TEX22: variants seen among roughly 807,000 people sequenced by gnomAD.
The protein encoded by TEX22 is testis expressed 22.
Under a neutral mutation model 11.3 loss-of-function variants are expected in TEX22, and 16 were observed. The observed-to-expected ratio is 1.42, with a 90% CI of 0.96 to 2.15. The LOEUF (loss-of-function observed/expected upper bound fraction) is 2.15, where lower values mean the gene tolerates loss of function less well. TEX22 is among the 30% of genes most tolerant of loss of function. The pLI is 0.00. For synonymous variants in TEX22, 97 were observed against 92.3 expected (o/e 1.05, Z -0.29); for missense variants, 220 against 208.6 (o/e 1.05, Z -0.34).
chr14:105,399,751 G>A (rs141375261), intron 2 of TEX22, among the ~76,000 whole-genome samples: 5 of 152,342 alleles, frequency 3.3e-5, no homozygotes, highest in Non-Finnish European at 7.4e-5. Context: ...GGCCAGGAAG[G>A]AGGCAAGGCA....
At position 105,411,730 on chromosome 14, in the gene TEX22, T is replaced by G. The variant is rs1747720552; in HGVS notation, c.350T>G (p.Leu117Arg). ...VDKDVLLPHPLRSTESTNAFQ... is the reference protein window; with the variant it reads ...VDKDVLLPHPRRSTESTNAFQ... The stretch of plus-strand genomic sequence containing the variant: ...AAGGACGTGCTCCTTCCCCACCCGC[T>G]GAGGTCCACCGAGTCCACCAACGCC... The change falls in exon 4 of 4, where the codon CTG (leucine) becomes CGG (arginine). Residue 117 changes from leucine (L) to arginine (R), a missense_variant. By Grantham distance (102) the Leu-to-Arg change is moderately radical. Transcript: ENST00000451127. 6.6e-7 allele frequency: 1 copy of G among 1,523,508 alleles called. No homozygotes were observed. Among genetic ancestry groups the G allele is most frequent in the South Asian group, 1.2e-5 (1 of 83,778 alleles). The allele number at this position is 1,523,508 out of a possible 1,614,324, so 94.4% of individuals were successfully genotyped here. A position where few individuals can be genotyped will look rare whatever the true frequency, so the allele number is the denominator to read the frequency against.
intron 2 of TEX22, among the ~76,000 whole-genome samples, chr14:105,403,782 C>A (rs2081644801): frequency 1.3e-5 from 2 of 152,308 alleles, no homozygotes; most frequent in East Asian, 1.9e-4. Flanking sequence ...TTTAAAAAAA[C>A]AGACTTCATG....
chr14:105,402,536 C>G (rs587610619), intron 2 of TEX22, among the ~76,000 whole-genome samples: 3 of 151,070 alleles, frequency 2.0e-5, no homozygotes, highest in Non-Finnish European at 4.4e-5. Context: ...GGGCAGATCA[C>G]AAGGTCTGGA....
intron 2 of TEX22, among the ~76,000 whole-genome samples, chr14:105,400,755 G>C (rs1265429239): frequency 1.3e-5 from 2 of 152,186 alleles, no homozygotes; most frequent in East Asian, 3.8e-4. Context: ...GGGAGAATTA[G>C]GTTGTTGGCC....
intron 2 of TEX22, among the ~76,000 whole-genome samples, chr14:105,407,852 G>A (rs2081666184): frequency 6.9e-6 from 1 of 145,740 alleles, no homozygotes; most frequent in Middle Eastern, 3.5e-3. Context: ...CTGTCTGCAT[G>A]GGGGTCCATC....
intron 2 of TEX22, among the ~76,000 whole-genome samples, chr14:105,402,566 A>G (rs587649433): frequency 2.1e-4 from 32 of 151,818 alleles, no homozygotes; most frequent in South Asian, 4.1e-4. Flanking sequence ...CATCCTGGCT[A>G]ACACGGTGAA....
intron 1 of TEX22, among the ~76,000 whole-genome samples, chr14:105,398,844 G>A (rs587755702): frequency 6.6e-6 from 1 of 152,362 alleles, no homozygotes; most frequent in East Asian, 1.9e-4. Context: ...TCCGGGCTGG[G>A]CCTGGGGCGA....
intron 3 of TEX22, 33 bp downstream of exon 3, chr14:105,411,529 C>CCT (rs2081691794): frequency 4.8e-5 from 14 of 288,684 alleles, no homozygotes; most frequent in Non-Finnish European, 6.5e-5. Flanking sequence ...CCGCCCCGTC[C>CCT]CCGCCCCGCC....
chr14:105,410,665 T>C (rs1294902171), intron 2 of TEX22, among the ~76,000 whole-genome samples: 2 of 152,250 alleles, frequency 1.3e-5, no homozygotes, highest in African/African-American at 4.8e-5. Flanking sequence ...AGCATGGCAC[T>C]GCCTTCTCTC....
At chr14:105,410,061 G>A (rs2081680874) in intron 2 of TEX22, among the ~76,000 whole-genome samples, 1 of 152,054 alleles carries the variant, frequency 6.6e-6, no homozygotes, top group South Asian at 2.1e-4. Context: ...GAACCATGGC[G>A]CCTAGCCTCC....
At position 105,399,700 on chromosome 14, in the gene TEX22, CA is replaced by C. The variant is rs1376727176; in HGVS notation, c.150+211del. ...GGTGGACCTGCACCCTTCTTGCTTC[CA>C]GAACCGTGGGCCGCTGGGCTCTGTA... On this transcript the variant is annotated intron_variant, in intron 2 of 3. Coordinates refer to ENST00000451127, the MANE Select transcript of TEX22 (RefSeq NM_001195082.2). Among the ~76,000 whole-genome samples, 10 of 148,826 alleles carry C rather than the reference CA, an allele frequency of 6.7e-5. No individual in the cohort carries two copies. The East Asian group carries it at 1.9e-3, about 29-fold the overall frequency.
chr14:105,402,471 T>C (rs1037935919), intron 2 of TEX22, among the ~76,000 whole-genome samples: 16 of 147,352 alleles, frequency 1.1e-4, no homozygotes, highest in South Asian at 1.0e-3. Flanking sequence ...AAACCTGTTA[T>C]TGGCCGGGTG....
intron 2 of TEX22, among the ~76,000 whole-genome samples, chr14:105,410,435 T>G (rs183570404): frequency 6.6e-6 from 1 of 152,362 alleles, no homozygotes; most frequent in Admixed American, 6.5e-5. Flanking sequence ...CCACATTTTC[T>G]TTATCCATTG....
chr14:105,399,217 C>T (rs2141352736), intron 1 of TEX22, 85 bp from the exon 2 acceptor site: 1 of 764,002 alleles, frequency 1.3e-6, no homozygotes, highest in Non-Finnish European at 2.1e-6. Context: ...ATACTGCCAC[C>T]ATCTGCCCCC....
chr14:105,400,120 CA>C (rs1446017289), intron 2 of TEX22, among the ~76,000 whole-genome samples: 1 of 152,180 alleles, frequency 6.6e-6, no homozygotes, highest in Non-Finnish European at 1.5e-5. Context: ...GGTTCAAAGC[CA>C]GGCTGAGAGA....
At position 105,411,766 on chromosome 14, in the gene TEX22, T is replaced by A; in HGVS notation, c.386T>A (p.Phe129Tyr). The A allele has an allele frequency of 6.6e-7, 1 of 1,510,490 alleles. No homozygotes were observed. The highest frequency in any genetic ancestry group is 8.8e-7 in the Non-Finnish European group (1 of 1,133,730). The allele number at this position is 1,510,490 out of a possible 1,614,324, so 93.6% of individuals were successfully genotyped here. Residue 129 changes from phenylalanine (F) to tyrosine (Y), a missense_variant, in exon 4 of 4, where the codon TTC (phenylalanine) becomes TAC (tyrosine). Physicochemically the swap from Phe to Tyr is conservative, Grantham distance 22 (BLOSUM62 3). Transcript: ENST00000451127. ...GAGTCCACCAACGCCTTCCAGGCCT[T>A]CCTGGCGCGCAGTGCGCCTTTCTGG... ...STESTNAFQAFLARSAPFWHN... is the reference protein window; with the variant it reads ...STESTNAFQAYLARSAPFWHN...
chr14:105,400,389 C>G (rs1595217074), intron 2 of TEX22, among the ~76,000 whole-genome samples: 2 of 152,310 alleles, frequency 1.3e-5, no homozygotes, highest in East Asian at 3.9e-4. Flanking sequence ...CCAGCAGATG[C>G]AGTGGCTTTT....
chr14:105,406,908 A>G (rs1203102594), intron 2 of TEX22, among the ~76,000 whole-genome samples: 1 of 152,046 alleles, frequency 6.6e-6, no homozygotes, highest in Non-Finnish European at 1.5e-5. Flanking sequence ...TTCTTTTTGT[A>G]TCTTTTCAAA....
rs191546566 is a variant in TEX22 at position 105,402,571 on chromosome 14, G to A, written c.150+3081G>A. ...AGATCAAGACCATCCTGGCTAACAC[G>A]GTGAAACCCCGTCTCTACTAAAAAA... On this transcript the variant is annotated intron_variant, in intron 2 of 3. Coordinates refer to ENST00000451127, the MANE Select transcript of TEX22 (RefSeq NM_001195082.2). 8.3e-3 allele frequency among the ~76,000 whole-genome samples: 1,261 copies of A among 151,760 alleles called. 8 individuals are homozygous for A. Among genetic ancestry groups the A allele is most frequent in the Admixed American group, 0.012 (190 of 15,236 alleles).
Sources: allele counts gnomAD v4.1 joint callset (sites outside exome capture counted in the v4.1 genomes callset), GRCh38; gene constraint gnomAD v4.1.1; transcripts MANE v1.5; gene names NCBI Gene and HGNC (gene_info 2026-07-23, HGNC 2026-07-21).